ACTR3C: variants seen among roughly 807,000 people sequenced by gnomAD.
ACTR3C encodes actin-related protein 3C.
A neutral mutation model predicts 26.3 loss-of-function variants in ACTR3C; 18 were observed. That is an observed-to-expected ratio of 0.68 (90% CI 0.47 to 1.01). ACTR3C has a LOEUF of 1.01. Among genes scored for constraint, ACTR3C ranks in the 50% least tolerant of loss-of-function variants. The pLI is 0.00. For synonymous variants in ACTR3C, 55 were observed against 94.5 expected (o/e 0.58, Z 2.42); for missense variants, 184 against 250.7 (o/e 0.73, Z 1.80).
At chr7:150,049,141 G>A in the ACTR3C span, among the ~76,000 whole-genome samples, 1 of 151,954 alleles carries the variant, frequency 6.6e-6, no homozygotes, top group Non-Finnish European at 1.5e-5. Flanking sequence ...GCGCTCCAGC[G>A]CCCCTGTGTG....
Position 150,289,641 on chromosome 7 carries a change from G to A in ACTR3C, c.154-48C>T, listed in dbSNP as rs754582965. ...ACAGCTGTGTTAGTGATTTCGTGGT[G>A]GAGAGCAGCCTGGACTCACGAGGTT... On this transcript the variant is annotated intron_variant, in intron 3 of 7. Transcript: ENST00000683684. 35 of 1,570,424 alleles carry A rather than the reference G, an allele frequency of 2.2e-5. No individual in the cohort carries two copies. The South Asian group carries it at 3.7e-4, about 17-fold the overall frequency.
chr7:149,941,405 A>G, the ACTR3C span, among the ~76,000 whole-genome samples: 2 of 152,196 alleles, frequency 1.3e-5, no homozygotes, highest in African/African-American at 4.8e-5. Context: ...CACTCCCAGA[A>G]CTGGAGTGTA....
At chr7:149,978,570 A>G in the ACTR3C span, among the ~76,000 whole-genome samples, 5,596 of 152,084 alleles carry the variant, frequency 0.037, 178 homozygotes, top group African/African-American at 0.13. Flanking sequence ...GAAGCTGAAG[A>G]TATTTCATAT....
At chr7:150,313,153 TAA>T (rs1796478053) in intron 1 of ACTR3C, among the ~76,000 whole-genome samples, 1 of 152,204 alleles carries the variant, frequency 6.6e-6, no homozygotes, top group East Asian at 1.9e-4. Context: ...CCAAGTCCTA[TAA>T]AGCTGCCTCT....
At chr7:150,230,239 A>G in the ACTR3C span, among the ~76,000 whole-genome samples, 1 of 152,204 alleles carries the variant, frequency 6.6e-6, no homozygotes, top group Admixed American at 6.5e-5. Flanking sequence ...AAAAGAAAGA[A>G]AAAAAGAAAC....
chr7:150,316,832 G>A (rs895596327), intron 1 of ACTR3C, among the ~76,000 whole-genome samples: 6 of 152,080 alleles, frequency 3.9e-5, no homozygotes, highest in African/African-American at 1.4e-4. Context: ...CTGGGATTAC[G>A]TTAAACTGGT....
At chr7:150,029,543 G>A in the ACTR3C span, among the ~76,000 whole-genome samples, 3 of 151,952 alleles carry the variant, frequency 2.0e-5, no homozygotes, top group Non-Finnish European at 4.4e-5. Flanking sequence ...CTGCAGCCTG[G>A]GTGGCAGAGC....
the ACTR3C span, among the ~76,000 whole-genome samples, chr7:150,042,544 G>T: frequency 6.6e-6 from 1 of 151,222 alleles, no homozygotes; most frequent in Non-Finnish European, 1.5e-5. Context: ...AGCCAGGGGG[G>T]GAAGAGGGGT....
At chr7:150,253,720 A>C (rs1371989153) in intron 6 of ACTR3C, among the ~76,000 whole-genome samples, 4 of 152,000 alleles carry the variant, frequency 2.6e-5, no homozygotes, top group Non-Finnish European at 5.9e-5. Flanking sequence ...TTTCTAAATT[A>C]CATGTTGATC....
At chr7:149,915,020 C>CA in the ACTR3C span, among the ~76,000 whole-genome samples, 1 of 151,926 alleles carries the variant, frequency 6.6e-6, no homozygotes, top group African/African-American at 2.4e-5. Flanking sequence ...GCTGGGACTA[C>CA]AGGCGTGTAC....
chr7:150,100,121 G>A, the ACTR3C span, among the ~76,000 whole-genome samples: 2 of 151,694 alleles, frequency 1.3e-5, no homozygotes, highest in South Asian at 2.1e-4. Flanking sequence ...AGCCTGGCTG[G>A]TGCCAACTTG....
the ACTR3C span, among the ~76,000 whole-genome samples, chr7:149,914,594 C>T: frequency 1.5e-5 from 2 of 134,040 alleles, no homozygotes; most frequent in African/African-American, 6.0e-5. Context: ...AATAAACAAA[C>T]AGAAGTAGTA....
At chr7:150,054,613 A>G in the ACTR3C span, among the ~76,000 whole-genome samples, 1 of 152,268 alleles carries the variant, frequency 6.6e-6, no homozygotes, top group Non-Finnish European at 1.5e-5. Flanking sequence ...AGCCGAGCCC[A>G]GTGTAGACCA....
At chr7:150,085,019 G>A in the ACTR3C span, among the ~76,000 whole-genome samples, 3 of 152,222 alleles carry the variant, frequency 2.0e-5, no homozygotes, top group South Asian at 2.1e-4. Flanking sequence ...GAAAGTGAAC[G>A]AATGACAACC....
the ACTR3C span, among the ~76,000 whole-genome samples, chr7:150,237,686 A>C: frequency 6.6e-6 from 1 of 151,802 alleles, no homozygotes; most frequent in African/African-American, 2.4e-5. Context: ...ACACCTTCCT[A>C]CTCCTAGCCA....
chr7:150,116,088 G>A, the ACTR3C span, among the ~76,000 whole-genome samples: 1 of 152,160 alleles, frequency 6.6e-6, no homozygotes, highest in Non-Finnish European at 1.5e-5. Context: ...AAATTAAATT[G>A]AATTAAATGA....
At chr7:150,066,810 C>T in the ACTR3C span, among the ~76,000 whole-genome samples, 59,856 of 151,300 alleles carry the variant, frequency 0.4, 12,588 homozygotes, top group East Asian at 0.66. Flanking sequence ...CCATGTGATA[C>T]TAGAATGAAC....
the ACTR3C span, among the ~76,000 whole-genome samples, chr7:149,929,377 G>T: frequency 8.1e-6 from 1 of 122,726 alleles, no homozygotes; most frequent in East Asian, 2.7e-4. Flanking sequence ...GCACTGAGCA[G>T]AGATTGTGCC....
chr7:150,029,317 T>C, the ACTR3C span, among the ~76,000 whole-genome samples: 1,137 of 137,148 alleles, frequency 8.3e-3, no homozygotes, highest in African/African-American at 0.036. Context: ...CCCAGTACTT[T>C]GGGAGACCGA....
Sources: gnomAD v4.1 joint callset for allele counts (sites outside exome capture counted in the v4.1 genomes callset) on GRCh38, gnomAD v4.1.1 for gene constraint, MANE v1.5 for transcripts, NCBI Gene and HGNC (gene_info 2026-07-23, HGNC 2026-07-21) for gene names.